The following SGCZ variants were observed in gnomAD, a reference collection of about 807,000 sequenced individuals.
The protein encoded by SGCZ is zeta-sarcoglycan.
A neutral mutation model predicts 41.3 loss-of-function variants in SGCZ; 40 were observed. The observed-to-expected ratio is 0.97, with a 90% CI of 0.75 to 1.26. The LOEUF is 1.26. Among genes scored for constraint, SGCZ ranks in the 50% most tolerant of loss-of-function variants. The probability of loss-of-function intolerance (pLI) is 0.00; values close to 1 mark genes in which losing one functional copy is unlikely to be tolerated. For missense variants in SGCZ, 552 were observed against 369.8 expected, an observed-to-expected ratio of 1.49 and a Z score of -4.04; for synonymous variants, 206 against 137.5, an observed-to-expected ratio of 1.50 and a Z score of -3.49.
intron 1 of SGCZ, among the ~76,000 whole-genome samples, chr8:15,206,946 A>G (rs918605719): frequency 6.6e-6 from 1 of 152,210 alleles, no homozygotes; most frequent in African/African-American, 2.4e-5. Flanking sequence ...AGACAAATAT[A>G]ATCTAATAAG....
chr8:14,214,688 C>G (rs1347297822), intron 4 of SGCZ, among the ~76,000 whole-genome samples: 1 of 144,442 alleles, frequency 6.9e-6, no homozygotes, highest in Non-Finnish European at 1.6e-5. Context: ...GTGTACCATG[C>G]TAACAGTAAT....
intron 1 of SGCZ, among the ~76,000 whole-genome samples, chr8:14,654,664 C>T (rs536275278): frequency 6.9e-4 from 105 of 152,002 alleles, no homozygotes; most frequent in Non-Finnish European, 1.3e-3. Flanking sequence ...TACTGCTTCC[C>T]GAGTTCAAGC....
At chr8:14,540,220 A>AT (rs11428713) in intron 2 of SGCZ, among the ~76,000 whole-genome samples, 5,698 of 48,488 alleles carry the variant, frequency 0.12, 488 homozygotes, top group East Asian at 0.18. Context: ...TCTCTGCTTA[A>AT]TTTTTTTTTT....
At chr8:14,197,108 A>G (rs533523130) in intron 4 of SGCZ, among the ~76,000 whole-genome samples, 1 of 152,316 alleles carries the variant, frequency 6.6e-6, no homozygotes, top group South Asian at 2.1e-4. Context: ...ATATCATGTA[A>G]ATTAAATAGC....
At chr8:14,756,867 A>AGAGTATCACAGTGGT (rs1188490870) in intron 1 of SGCZ, among the ~76,000 whole-genome samples, 1 of 152,228 alleles carries the variant, frequency 6.6e-6, no homozygotes, top group Non-Finnish European at 1.5e-5. Context: ...CCAACAGTAA[A>AGAGTATCACAGTGGT]GAGTATCACA....
chr8:14,652,299 T>A (rs1807425622), intron 1 of SGCZ, among the ~76,000 whole-genome samples: 1 of 116,244 alleles, frequency 8.6e-6, no homozygotes, highest in East Asian at 2.8e-4. Flanking sequence ...CAAGATCATG[T>A]CATTGCATGC....
chr8:14,969,035 C>G (rs1801209914), intron 1 of SGCZ, among the ~76,000 whole-genome samples: 1 of 152,020 alleles, frequency 6.6e-6, no homozygotes, highest in African/African-American at 2.4e-5. Flanking sequence ...TAATACTAAT[C>G]TATTTTTTGA....
intron 1 of SGCZ, among the ~76,000 whole-genome samples, chr8:14,709,638 A>T (rs1809449347): frequency 6.6e-6 from 1 of 152,204 alleles, no homozygotes; most frequent in Non-Finnish European, 1.5e-5. Flanking sequence ...AATTCAAAAT[A>T]ATACAGCAAA....
chr8:14,656,072 C>T (rs1202892229), intron 1 of SGCZ, among the ~76,000 whole-genome samples: 1 of 152,020 alleles, frequency 6.6e-6, no homozygotes, highest in Non-Finnish European at 1.5e-5. Flanking sequence ...CATTTGTGTA[C>T]AGGTTTTATA....
chr8:14,117,551 A>C (rs879685705), intron 5 of SGCZ, among the ~76,000 whole-genome samples: 1 of 151,614 alleles, frequency 6.6e-6, no homozygotes, highest in Non-Finnish European at 1.5e-5. Flanking sequence ...ATACCTTTCC[A>C]GAGAATTGAA....
At chr8:15,237,226 C>A (rs1242517709) in intron 1 of SGCZ, among the ~76,000 whole-genome samples, 1 of 150,740 alleles carries the variant, frequency 6.6e-6, no homozygotes, top group Non-Finnish European at 1.5e-5. Flanking sequence ...GGAAAGCAGG[C>A]GACAGCGGGC....
At chr8:14,185,625 T>G (rs1804878733) in intron 4 of SGCZ, among the ~76,000 whole-genome samples, 1 of 152,182 alleles carries the variant, frequency 6.6e-6, no homozygotes, top group African/African-American at 2.4e-5. Flanking sequence ...TGAAATCATA[T>G]TCTCTTGACT....
intron 1 of SGCZ, among the ~76,000 whole-genome samples, chr8:14,971,838 C>A (rs965570869): frequency 6.6e-6 from 1 of 151,598 alleles, no homozygotes; most frequent in East Asian, 1.9e-4. Context: ...TTAGTAGAGA[C>A]GGGGTTTCAC....
intron 4 of SGCZ, among the ~76,000 whole-genome samples, chr8:14,166,027 A>G (rs1585194626): frequency 6.6e-6 from 1 of 152,072 alleles, no homozygotes; most frequent in East Asian, 1.9e-4. Flanking sequence ...CCCTAATAAC[A>G]TGTAAGCTAA....
At chr8:15,168,642 T>TTCCCC (rs57285837) in intron 1 of SGCZ, among the ~76,000 whole-genome samples, 30,705 of 152,002 alleles carry the variant, frequency 0.2, 3,589 homozygotes, top group African/African-American at 0.31. Flanking sequence ...GGGACACCTG[T>TTCCCC]TCCCCTCTTT....
At chr8:14,328,459 T>C (rs1371254866) in intron 2 of SGCZ, among the ~76,000 whole-genome samples, 3 of 152,176 alleles carry the variant, frequency 2.0e-5, no homozygotes, top group Non-Finnish European at 4.4e-5. Context: ...CTTAATTTTA[T>C]CATCTGTAAA....
intron 2 of SGCZ, among the ~76,000 whole-genome samples, chr8:14,428,497 A>C (rs1353752503): frequency 6.6e-6 from 1 of 152,194 alleles, no homozygotes; most frequent in Non-Finnish European, 1.5e-5. Context: ...GTGAAAAGAA[A>C]TTAGAGTTGT....
intron 1 of SGCZ, among the ~76,000 whole-genome samples, chr8:14,631,151 G>A (rs1056409514): frequency 2.6e-5 from 4 of 151,774 alleles, no homozygotes; most frequent in African/African-American, 7.3e-5. Context: ...TATTCATTGC[G>A]CCACTCGAAT....
intron 6 of SGCZ, among the ~76,000 whole-genome samples, chr8:14,106,149 C>T (rs1165088987): frequency 6.6e-6 from 1 of 152,122 alleles, no homozygotes; most frequent in Non-Finnish European, 1.5e-5. Flanking sequence ...TTAACAAATA[C>T]TTATTGCAAC....
Sources: allele counts gnomAD v4.1 joint callset (sites outside exome capture counted in the v4.1 genomes callset), GRCh38; gene constraint gnomAD v4.1.1; transcripts MANE v1.5; gene names NCBI Gene and HGNC (gene_info 2026-07-23, HGNC 2026-07-21).